CORO2B: variants seen among roughly 807,000 people sequenced by gnomAD.
CORO2B encodes the protein coronin-2B.
In CORO2B, 26 loss-of-function variants were observed where a neutral mutation model predicts 58.8. The observed-to-expected ratio is 0.44, with a 90% CI of 0.32 to 0.61. The LOEUF is 0.61. Among genes scored for constraint, CORO2B ranks in the 20% least tolerant of loss-of-function variants. The pLI, the probability that CORO2B is intolerant of heterozygous loss-of-function variation, is 0.04. For synonymous variants in CORO2B, 242 were observed against 253.8 expected, an observed-to-expected ratio of 0.95 and a Z score of 0.44; for missense variants, 460 against 645.1, an observed-to-expected ratio of 0.71 and a Z score of 3.11.
chr15:68,698,207 T>G (rs987817347), intron 3 of CORO2B, among the ~76,000 whole-genome samples: 1 of 152,232 alleles, frequency 6.6e-6, no homozygotes, highest in Non-Finnish European at 1.5e-5. Flanking sequence ...GCCCATGCTC[T>G]GCCAAGCTTC....
intron 11 of CORO2B, among the ~76,000 whole-genome samples, chr15:68,723,116 C>CT (rs767517372): frequency 0.01 from 942 of 91,442 alleles, 19 homozygotes; most frequent in African/African-American, 0.031. Flanking sequence ...TACATACATT[C>CT]TTTTTTTTTT....
At chr15:68,520,066 A>G in the CORO2B span, among the ~76,000 whole-genome samples, 1 of 152,220 alleles carries the variant, frequency 6.6e-6, no homozygotes, top group Non-Finnish European at 1.5e-5. Context: ...ATTTTCAATC[A>G]TCTAGTAATT....
intron 2 of CORO2B, among the ~76,000 whole-genome samples, chr15:68,668,737 T>C (rs1399362545): frequency 6.6e-6 from 1 of 152,026 alleles, no homozygotes; most frequent in Non-Finnish European, 1.5e-5. Context: ...CAAGGTTAGC[T>C]CTCACTTGAG....
At chr15:68,604,109 A>G (rs1276489915) in intron 1 of CORO2B, among the ~76,000 whole-genome samples, 2 of 152,202 alleles carry the variant, frequency 1.3e-5, no homozygotes, top group Non-Finnish European at 2.9e-5. Flanking sequence ...CATTTGGCAC[A>G]GAGCCCGGCA....
the CORO2B span, among the ~76,000 whole-genome samples, chr15:68,526,403 A>T: frequency 6.6e-6 from 1 of 152,138 alleles, no homozygotes. Context: ...ACATCCTTCC[A>T]ATTCTTGGAT....
the CORO2B span, among the ~76,000 whole-genome samples, chr15:68,571,726 T>C: frequency 6.6e-6 from 1 of 152,178 alleles, no homozygotes; most frequent in Non-Finnish European, 1.5e-5. Context: ...CTGTAACCGG[T>C]AACCTGGGAG....
intron 2 of CORO2B, among the ~76,000 whole-genome samples, chr15:68,658,814 G>A (rs1207734094): frequency 6.6e-6 from 1 of 152,256 alleles, no homozygotes; most frequent in Non-Finnish European, 1.5e-5. Flanking sequence ...ACCTGGGACT[G>A]TGAACTGCTC....
At chr15:68,700,535 T>C (rs1455606630) in intron 3 of CORO2B, among the ~76,000 whole-genome samples, 1 of 152,084 alleles carries the variant, frequency 6.6e-6, no homozygotes, top group Non-Finnish European at 1.5e-5. Context: ...CTGGAGTCTA[T>C]CCTCCATCCC....
chr15:68,710,695 G>T lies in CORO2B; in HGVS notation c.334-37G>T, dbSNP rs748202463. Reference sequence around the variant, plus strand: ...CCTCTCATCAAGGGACTTCTTGGCCGTGTCCACCCAGCCTGGACCCTCATC... The same window carrying T: ...CCTCTCATCAAGGGACTTCTTGGCCTTGTCCACCCAGCCTGGACCCTCATC... On this transcript the variant is annotated intron_variant, in intron 3 of 11. Transcript: ENST00000261861. This position sits in a 1 kb window ranked among gnomAD's most constrained non-coding sequence, Gnocchi z 4.1. 1.8e-5 allele frequency: 28 copies of T among 1,534,242 alleles called. No homozygotes were observed. The highest frequency in any genetic ancestry group is 2.5e-5 in the Non-Finnish European group (28 of 1,136,416).
At chr15:68,542,131 G>T in the CORO2B span, among the ~76,000 whole-genome samples, 1 of 152,196 alleles carries the variant, frequency 6.6e-6, no homozygotes, top group Non-Finnish European at 1.5e-5. Context: ...TTTCAGGTGG[G>T]CTAGTAAATC....
At chr15:68,540,984 C>G in the CORO2B span, among the ~76,000 whole-genome samples, 13 of 152,180 alleles carry the variant, frequency 8.5e-5, no homozygotes, top group African/African-American at 3.1e-4. Context: ...AATCCCAACA[C>G]TTTGGGAGGC....
At chr15:68,723,665 A>G (rs9672377) in intron 11 of CORO2B, among the ~76,000 whole-genome samples, 150,482 of 152,078 alleles carry the variant, frequency 0.99, 74,458 homozygotes, top group Middle Eastern at 1. Context: ...TCTTGGCCAG[A>G]CTGATCTTGA....
rs184520169 is a variant in CORO2B, at chr15:68,627,683, T to C, written c.16-17477T>C. Among the ~76,000 whole-genome samples the C allele has an allele frequency of 1.2e-3, 179 of 152,162 alleles. 1 individual carries two copies. Among genetic ancestry groups the C allele is most frequent in the African/African-American group, 4.1e-3 (170 of 41,502 alleles). On this transcript the variant is annotated intron_variant, in intron 1 of 11. Transcript: ENST00000261861. ...GGGACGGGGAGATGTAAGCAGGAAATGGCTTCTGCCCTGACCCTCTATGAT... is the reference window on the plus strand; with the variant it reads ...GGGACGGGGAGATGTAAGCAGGAAACGGCTTCTGCCCTGACCCTCTATGAT...
intron 11 of CORO2B, among the ~76,000 whole-genome samples, chr15:68,723,541 A>G (rs1306723718): frequency 1.3e-5 from 2 of 151,376 alleles, no homozygotes; most frequent in African/African-American, 4.9e-5. Flanking sequence ...TGCAACCTCC[A>G]CCTCCCGGGT....
chr15:68,550,268 A>T, the CORO2B span, among the ~76,000 whole-genome samples: 1 of 152,150 alleles, frequency 6.6e-6, no homozygotes, highest in Non-Finnish European at 1.5e-5. Flanking sequence ...AACCCCCGGG[A>T]TGTAATGCCC....
chr15:68,708,357 C>CTTTTTTTTTTTTTTTTTTTTTTT (rs921103212), intron 3 of CORO2B, among the ~76,000 whole-genome samples: 1 of 114,966 alleles, frequency 8.7e-6, no homozygotes, highest in African/African-American at 3.1e-5. Flanking sequence ...TTTTTTTCTT[C>CTTTTTTTTTTTTTTTTTTTTTTT]TTTTTTTTTT....
the CORO2B span, among the ~76,000 whole-genome samples, chr15:68,527,332 C>T: frequency 1.3e-5 from 2 of 152,008 alleles, no homozygotes; most frequent in African/African-American, 2.4e-5. Flanking sequence ...ACAGTTTTAT[C>T]TTCCACCTTT....
chr15:68,611,720 TTTTA>T (rs1900252572), intron 1 of CORO2B, among the ~76,000 whole-genome samples: 2 of 152,070 alleles, frequency 1.3e-5, no homozygotes, highest in African/African-American at 2.4e-5. Flanking sequence ...CATAAACATA[TTTTA>T]TTAGCCTCTT....
chr15:68,637,984 A>G (rs1010092231), intron 1 of CORO2B, among the ~76,000 whole-genome samples: 1 of 152,222 alleles, frequency 6.6e-6, no homozygotes, highest in Non-Finnish European at 1.5e-5. Flanking sequence ...TGGAGTGTAC[A>G]TAGTGATTAT....
Sources: gnomAD v4.1 joint callset for allele counts (sites outside exome capture counted in the v4.1 genomes callset) on GRCh38, gnomAD v4.1.1 for gene constraint, Gnocchi (gnomAD v3.1) non-coding constraint, MANE v1.5 for transcripts, NCBI Gene and HGNC (gene_info 2026-07-23, HGNC 2026-07-21) for gene names.